The following CDKAL1 variants were observed in gnomAD, a reference collection of about 807,000 sequenced individuals.
The protein encoded by CDKAL1 is CDKAL1 threonylcarbamoyladenosine tRNA methylthiotransferase.
Under a neutral mutation model 68.2 loss-of-function variants are expected in CDKAL1, and 32 were observed. The ratio of observed to expected loss-of-function variants is 0.47; its 90% CI spans 0.35 to 0.63. The LOEUF (loss-of-function observed/expected upper bound fraction) is 0.63, where lower values mean the gene tolerates loss of function less well. Among genes scored for constraint, CDKAL1 ranks in the 30% least tolerant of loss-of-function variants. The probability of loss-of-function intolerance (pLI) is 0.00; values close to 1 mark genes in which losing one functional copy is unlikely to be tolerated. For synonymous variants in CDKAL1, 234 were observed against 244.3 expected (o/e 0.96, Z 0.39); for missense variants, 606 against 696.7 (o/e 0.87, Z 1.47).
intron 8 of CDKAL1, among the ~76,000 whole-genome samples, chr6:20,835,481 TTTGTCTTGTC>T (rs143490469): frequency 0.22 from 33,112 of 149,630 alleles, 3,882 homozygotes; most frequent in African/African-American, 0.29. Flanking sequence ...CTTTGCTTTG[TTTGTCTTGTC>T]TTGTCTTGTC....
intron 4 of CDKAL1, among the ~76,000 whole-genome samples, chr6:20,645,753 TAA>T (rs1768417882): frequency 7.3e-6 from 1 of 136,158 alleles, no homozygotes; most frequent in African/African-American, 2.6e-5. Flanking sequence ...AATAAATAAA[TAA>T]AAATAAATAA....
intron 10 of CDKAL1, among the ~76,000 whole-genome samples, chr6:20,992,626 G>C (rs1766890686): frequency 6.6e-6 from 1 of 152,118 alleles, no homozygotes; most frequent in Non-Finnish European, 1.5e-5. Context: ...TGGTGGGCAT[G>C]GTTGCTGATA....
intron 13 of CDKAL1, among the ~76,000 whole-genome samples, chr6:21,150,548 T>G (rs1275489268): frequency 6.6e-6 from 1 of 152,214 alleles, no homozygotes; most frequent in East Asian, 1.9e-4. Context: ...AAAGCCTCCA[T>G]AAAACTTGCT....
At chr6:20,869,588 A>G (rs1427909606) in intron 9 of CDKAL1, among the ~76,000 whole-genome samples, 1 of 152,206 alleles carries the variant, frequency 6.6e-6, no homozygotes, top group Non-Finnish European at 1.5e-5. Flanking sequence ...ATGCACAGTT[A>G]AGAATGGGTA....
chr6:20,980,363 G>C (rs1229829901), intron 10 of CDKAL1, among the ~76,000 whole-genome samples: 1 of 151,882 alleles, frequency 6.6e-6, no homozygotes, highest in African/African-American at 2.4e-5. Flanking sequence ...TCAGCCTCCA[G>C]AGTAGCTGAG....
At chr6:20,910,857 G>A (rs908112094) in intron 9 of CDKAL1, among the ~76,000 whole-genome samples, 2 of 152,210 alleles carry the variant, frequency 1.3e-5, no homozygotes, top group Admixed American at 1.3e-4. Context: ...AGAGCATCAT[G>A]TGAACATGAA....
intron 9 of CDKAL1, among the ~76,000 whole-genome samples, chr6:20,897,771 G>T (rs1378385247): frequency 1.3e-5 from 2 of 152,054 alleles, no homozygotes; most frequent in South Asian, 2.1e-4. Flanking sequence ...ATATTCTATG[G>T]AATATTTACA....
intron 15 of CDKAL1, among the ~76,000 whole-genome samples, chr6:21,214,012 C>A (rs781728517): frequency 6.6e-6 from 1 of 152,178 alleles, no homozygotes; most frequent in Non-Finnish European, 1.5e-5. Flanking sequence ...ACATGAAGTT[C>A]TGACACATGC....
At chr6:21,221,573 G>A (rs1369162339) in intron 15 of CDKAL1, among the ~76,000 whole-genome samples, 1 of 152,104 alleles carries the variant, frequency 6.6e-6, no homozygotes, top group Non-Finnish European at 1.5e-5. Context: ...CATAATGTAT[G>A]TTTTAAGATT....
chr6:21,039,770 T>C (rs993425900), intron 11 of CDKAL1, among the ~76,000 whole-genome samples: 1 of 152,188 alleles, frequency 6.6e-6, no homozygotes, highest in Non-Finnish European at 1.5e-5. Context: ...CAAAGTATGA[T>C]TGAAACATGG....
In CDKAL1 at chr6:20,952,843, A is replaced by G. The variant is rs142351840; in HGVS notation, c.743-2576A>G. 3.1e-3 allele frequency among the ~76,000 whole-genome samples: 465 copies of G among 152,354 alleles called. 5 individuals carry two copies. Among genetic ancestry groups the G allele is most frequent in the African/African-American group, 9.6e-3 (399 of 41,592 alleles). ...CTTTCCAGGGAAAAGGATGTCAGGC[A>G]TGGGGATTCCACATTTAGCGTCACT... On this transcript the variant is annotated intron_variant, in intron 9 of 15. Transcript: ENST00000274695.
At chr6:21,028,216 T>G (rs1769069813) in intron 11 of CDKAL1, among the ~76,000 whole-genome samples, 1 of 152,170 alleles carries the variant, frequency 6.6e-6, no homozygotes, top group African/African-American at 2.4e-5. Flanking sequence ...CTGGCTCACC[T>G]CCTGCATTTT....
chr6:21,182,960 C>T (rs1454655480), intron 13 of CDKAL1, among the ~76,000 whole-genome samples: 1 of 152,162 alleles, frequency 6.6e-6, no homozygotes, highest in Non-Finnish European at 1.5e-5. Flanking sequence ...ACCATATCCT[C>T]ATTAAGATGA....
intron 13 of CDKAL1, among the ~76,000 whole-genome samples, chr6:21,114,593 G>A (rs1010367233): frequency 7.2e-5 from 11 of 151,950 alleles, no homozygotes; most frequent in Non-Finnish European, 1.3e-4. Context: ...AATTAGCCAG[G>A]TGTGGTGGCA....
At chr6:20,707,841 C>A (rs1771671556) in intron 5 of CDKAL1, among the ~76,000 whole-genome samples, 1 of 152,108 alleles carries the variant, frequency 6.6e-6, no homozygotes, top group Non-Finnish European at 1.5e-5. Flanking sequence ...AAGCTTCCTG[C>A]CAAAATCTTT....
chr6:20,655,632 A>G (rs1258565491), intron 5 of CDKAL1, among the ~76,000 whole-genome samples: 2 of 152,174 alleles, frequency 1.3e-5, no homozygotes. Context: ...TGCGCTCCTT[A>G]TAAGAATCTA....
At chr6:20,748,555 G>GGA (rs1773766913) in intron 6 of CDKAL1, among the ~76,000 whole-genome samples, 11 of 28,768 alleles carry the variant, frequency 3.8e-4, no homozygotes, top group African/African-American at 1.3e-3. Context: ...TCTGTTTCTG[G>GGA]AAAAAAAAAA....
intron 12 of CDKAL1, among the ~76,000 whole-genome samples, chr6:21,077,950 G>A (rs1164444234): frequency 6.6e-6 from 1 of 152,140 alleles, no homozygotes; most frequent in Non-Finnish European, 1.5e-5. Flanking sequence ...GGAGATGTGA[G>A]GGCAGAAACA....
chr6:21,135,534 A>G (rs1775547786), intron 13 of CDKAL1: 1 of 187,384 alleles, frequency 5.3e-6, no homozygotes. Context: ...TCTCTTCTGT[A>G]AGTTCCCTCT....
Sources: gnomAD v4.1 joint callset for allele counts (sites outside exome capture counted in the v4.1 genomes callset) on GRCh38, gnomAD v4.1.1 for gene constraint, MANE v1.5 for transcripts, NCBI Gene and HGNC (gene_info 2026-07-23, HGNC 2026-07-21) for gene names.